Variants in CDH22 observed in about 807,000 individuals in gnomAD.
CDH22 encodes the protein cadherin-22.
Under a neutral mutation model 58.4 loss-of-function variants are expected in CDH22, and 30 were observed. The observed-to-expected ratio is 0.51, with a 90% CI of 0.38 to 0.70. The LOEUF is 0.70. Among genes scored for constraint, CDH22 ranks in the 30% least tolerant of loss-of-function variants. CDH22 has a pLI of 0.00. For synonymous variants in CDH22, 513 were observed against 558.2 expected (o/e 0.92, Z 1.14); for missense variants, 1,014 against 1,233.9 (o/e 0.82, Z 2.67).
chr20:46,224,712 A>C (rs552303670), intron 4 of CDH22, among the ~76,000 whole-genome samples: 1 of 152,266 alleles, frequency 6.6e-6, no homozygotes. Context: ...CATGGAAAGA[A>C]ACTCTGCCTC....
intron 2 of CDH22, among the ~76,000 whole-genome samples, chr20:46,245,532 T>C (rs1457061655): frequency 6.6e-6 from 1 of 152,102 alleles, no homozygotes; most frequent in East Asian, 1.9e-4. Context: ...GTGGGAAAGT[T>C]GAATATGTGT....
rs549377236 is a variant in CDH22, at chr20:46,241,723, T to A, written c.256-466A>T. Among the ~76,000 whole-genome samples the A allele has an allele frequency of 2.6e-5, 4 of 152,150 alleles. No homozygotes were observed. In the South Asian group the frequency reaches 8.3e-4, roughly 32 times the overall value. ...AATGCCACCTCTTTCAGAAAGCTTT[T>A]CTGGATCCTCAGTCTCCCCCTGCCC... On this transcript the variant is annotated intron_variant, in intron 2 of 11. Transcript: ENST00000537909. This position sits in a 1 kb window ranked among gnomAD's most constrained non-coding sequence, Gnocchi z 5.2.
At chr20:46,282,542 GT>G (rs1235807643) in intron 1 of CDH22, among the ~76,000 whole-genome samples, 4 of 152,166 alleles carry the variant, frequency 2.6e-5, no homozygotes, top group Non-Finnish European at 4.4e-5. Flanking sequence ...ATAAATATTC[GT>G]AAAAGAGTTA....
chr20:46,186,566 A>C (rs2145654754), intron 10 of CDH22, 22 bp downstream of exon 10: 2 of 1,549,180 alleles, frequency 1.3e-6, no homozygotes, highest in Non-Finnish European at 1.8e-6. Context: ...CCCTTCTTGC[A>C]TCCTAGGGTT....
At position 46,301,590 on chromosome 20, in the gene CDH22, C is replaced by T. The variant is rs143608974; in HGVS notation, c.-400+6665G>A. Among the ~76,000 whole-genome samples, 778 of 151,890 alleles carry T rather than the reference C, an allele frequency of 5.1e-3. 10 individuals carry two copies. Among genetic ancestry groups the T allele is most frequent in the African/African-American group, 0.018 (747 of 41,418 alleles). On this transcript the variant is annotated intron_variant, in intron 1 of 11. Coordinates refer to ENST00000537909, the MANE Select transcript of CDH22 (RefSeq NM_021248.3). ...CTTTGGGAGGCCAAGGAGGGTGGAC[C>T]ACCAGAGGTCAGGAGCTCGAGACCA...
At chr20:46,217,399 T>A (rs959358984) in intron 4 of CDH22, among the ~76,000 whole-genome samples, 1 of 151,868 alleles carries the variant, frequency 6.6e-6, no homozygotes, top group Non-Finnish European at 1.5e-5. Flanking sequence ...CACACACAGG[T>A]TTATTCACAG....
At chr20:46,264,700 T>C (rs62214486) in intron 1 of CDH22, among the ~76,000 whole-genome samples, 5,780 of 152,180 alleles carry the variant, frequency 0.038, 155 homozygotes, top group Non-Finnish European at 0.055. Flanking sequence ...GGCCTGCGTT[T>C]GGCTCTCAGC....
At chr20:46,205,810 T>C (rs1350323275) in intron 7 of CDH22, among the ~76,000 whole-genome samples, 1 of 152,176 alleles carries the variant, frequency 6.6e-6, no homozygotes, top group Non-Finnish European at 1.5e-5. Context: ...CCTTGTCCCT[T>C]GTCGTGAGCT....
intron 1 of CDH22, among the ~76,000 whole-genome samples, chr20:46,271,581 T>C (rs2086489294): frequency 6.6e-6 from 1 of 152,192 alleles, no homozygotes; most frequent in Non-Finnish European, 1.5e-5. Context: ...ATCTGGCTTC[T>C]ACTCCCAACA....
intron 5 of CDH22, among the ~76,000 whole-genome samples, chr20:46,215,993 G>T (rs953152819): frequency 2.6e-5 from 4 of 152,084 alleles, no homozygotes; most frequent in Admixed American, 2.0e-4. Context: ...CAATGATGCT[G>T]CGCTCTCAGC....
chr20:46,224,887 G>C (rs1435385461), intron 4 of CDH22, among the ~76,000 whole-genome samples: 1 of 152,220 alleles, frequency 6.6e-6, no homozygotes, highest in Non-Finnish European at 1.5e-5. Flanking sequence ...TAAGGAGTCT[G>C]AGTGACTGTC....
rs746418855 is a variant in CDH22 at position 46,210,594 on chromosome 20, G to A, written c.1033-34C>T. On this transcript the variant is annotated intron_variant, in intron 6 of 11. Coordinates refer to ENST00000537909, the MANE Select transcript of CDH22 (RefSeq NM_021248.3). This position sits in a 1 kb window ranked among gnomAD's most constrained non-coding sequence, Gnocchi z 4.5. Reference sequence around the variant, plus strand: ...GGGAGCAGAGGGCCGGTTAGTGGGTGGGGTCTGGTGGACACTGAGGCCTTC... The same window carrying A: ...GGGAGCAGAGGGCCGGTTAGTGGGTAGGGTCTGGTGGACACTGAGGCCTTC... 9 of 1,418,502 alleles carry A rather than the reference G, an allele frequency of 6.3e-6. No homozygotes were observed. The highest frequency in any genetic ancestry group is 1.5e-5 in the African/African-American group (1 of 66,906). 87.9% of individuals were successfully genotyped at this position (1,418,502 alleles called of 1,614,324 possible). A position where few individuals can be genotyped will look rare whatever the true frequency, so the allele number is the denominator to read the frequency against.
At chr20:46,189,109 G>C (rs1439100782) in intron 8 of CDH22, among the ~76,000 whole-genome samples, 2 of 152,108 alleles carry the variant, frequency 1.3e-5, no homozygotes, top group Non-Finnish European at 2.9e-5. Context: ...CCACCTCCTG[G>C]GGGGGCGGGC....
chr20:46,242,903 C>T (rs1035345859), intron 2 of CDH22, among the ~76,000 whole-genome samples: 2 of 152,170 alleles, frequency 1.3e-5, no homozygotes, highest in African/African-American at 4.8e-5. Context: ...AGATTCCAGG[C>T]TGTTTTCACT....
chr20:46,198,698 T>C (rs571383736), intron 8 of CDH22, among the ~76,000 whole-genome samples: 36 of 152,350 alleles, frequency 2.4e-4, no homozygotes, highest in Admixed American at 4.6e-4. Flanking sequence ...CCAGTGGCTC[T>C]GGCTGACCAC....
chr20:46,186,918 G>T lies in CDH22; in HGVS notation c.1453C>A (p.Leu485Ile). The T allele has an allele frequency of 6.2e-7, 1 of 1,607,656 alleles. No individual in the cohort carries two copies. The highest frequency in any genetic ancestry group is 8.5e-7 in the Non-Finnish European group (1 of 1,176,722). ...TTCACATCCAGGATTCGGATCCTTA[G>T]GGATGCCCGGGATAGCTGTGCATGA... is the stretch of plus-strand genomic sequence containing the variant. ...DNHAQLSRAS[L>I]RIRILDVNDN... The change falls in exon 9 of 12, where the codon CTA (leucine) becomes ATA (isoleucine). Residue 485 changes from leucine (L) to isoleucine (I), a missense_variant. Transcript: ENST00000537909.
Position 46,197,295 on chromosome 20 carries a change from G to GATATATATAT in CDH22, c.1423+2118_1423+2127dup, listed in dbSNP as rs34730995. ...ATGTGCTGGAAAGCATCTAGGCCAG[G>GATATATATAT]ATATATATATATATATATATATACA... is the stretch of plus-strand genomic sequence containing the variant. On this transcript the variant is annotated intron_variant, in intron 8 of 11. Coordinates refer to ENST00000537909, the MANE Select transcript of CDH22 (RefSeq NM_021248.3). 2.9e-3 allele frequency among the ~76,000 whole-genome samples: 417 copies of GATATATATAT among 141,992 alleles called. 7 individuals are homozygous for GATATATATAT. The highest frequency in any genetic ancestry group is 5.6e-3 in the African/African-American group (217 of 38,812). 93.2% of individuals were successfully genotyped at this position (141,992 alleles called of 152,430 possible). A position where few individuals can be genotyped will look rare whatever the true frequency, so the allele number is the denominator to read the frequency against.
intron 6 of CDH22, among the ~76,000 whole-genome samples, chr20:46,211,055 T>C (rs2086039767): frequency 6.6e-6 from 1 of 152,194 alleles, no homozygotes; most frequent in Non-Finnish European, 1.5e-5. Context: ...TTCCCTGGTA[T>C]GCAGGAGTTA....
chr20:46,202,170 C>G (rs1348139698), intron 7 of CDH22, among the ~76,000 whole-genome samples: 1 of 151,978 alleles, frequency 6.6e-6, no homozygotes, highest in Non-Finnish European at 1.5e-5. Context: ...GGGGTGAATT[C>G]CAGCGAGCCT....
Sources: allele counts gnomAD v4.1 joint callset (sites outside exome capture counted in the v4.1 genomes callset), GRCh38; gene constraint gnomAD v4.1.1; non-coding constraint Gnocchi (gnomAD v3.1); transcripts MANE v1.5; gene names NCBI Gene and HGNC (gene_info 2026-07-23, HGNC 2026-07-21).